FHIT: variants seen among roughly 807,000 people sequenced by gnomAD.
FHIT encodes bis(5'-adenosyl)-triphosphatase.
FHIT carries 19 observed loss-of-function variants against 17.9 expected under a neutral mutation model. That is an observed-to-expected ratio of 1.06 (90% confidence interval 0.74 to 1.56). FHIT has a LOEUF of 1.56. FHIT is among the 40% of genes most tolerant of loss of function. The probability of loss-of-function intolerance (pLI) is 0.00; values close to 1 mark genes in which losing one functional copy is unlikely to be tolerated. For missense variants in FHIT, 248 were observed against 189.2 expected, an observed-to-expected ratio of 1.31 and a Z score of -1.82; for synonymous variants, 81 against 69.7, an observed-to-expected ratio of 1.16 and a Z score of -0.81.
chr3:60,477,056 C>T (rs1313097448), intron 5 of FHIT, among the ~76,000 whole-genome samples: 4 of 151,976 alleles, frequency 2.6e-5, no homozygotes, highest in Admixed American at 6.6e-5. Context: ...TAGTTCAGTA[C>T]TTTTAAGCAA....
chr3:60,972,309 A>T (rs1710058990), intron 3 of FHIT, among the ~76,000 whole-genome samples: 3 of 152,160 alleles, frequency 2.0e-5, no homozygotes, highest in Admixed American at 1.3e-4. Context: ...ATTTTCTAAA[A>T]ATGTCCTTTT....
rs1454353820 is a variant in FHIT at position 61,042,105 on chromosome 3, G to A, written c.-163-6C>T. ...ATGTAGATAGCACTACGGACCTAGG[G>A]AAAGGCAGAAACACAAGATGGGAGA... On this transcript the variant is annotated splice_polypyrimidine_tract_variant and splice_region_variant and intron_variant, in intron 2 of 9. Transcript: ENST00000492590. 2.6e-5 allele frequency: 4 copies of A among 152,122 alleles called. No individual in the cohort carries two copies. The highest frequency in any genetic ancestry group is 4.8e-5 in the African/African-American group (2 of 41,414). The allele number at this position is 152,122 out of a possible 1,614,324, so 9.4% of individuals were successfully genotyped here.
At chr3:60,439,728 T>C (rs1418609601) in intron 5 of FHIT, among the ~76,000 whole-genome samples, 2 of 152,136 alleles carry the variant, frequency 1.3e-5, no homozygotes, top group Non-Finnish European at 2.9e-5. Context: ...CACTCTTTTC[T>C]AAACTCCCAG....
At chr3:59,912,571 A>T (rs1467218281) in intron 8 of FHIT, among the ~76,000 whole-genome samples, 1 of 152,208 alleles carries the variant, frequency 6.6e-6, no homozygotes, top group African/African-American at 2.4e-5. Context: ...CTTCATATCA[A>T]CTGATAGGGC....
intron 4 of FHIT, among the ~76,000 whole-genome samples, chr3:60,799,818 A>G (rs1014568543): frequency 6.6e-6 from 1 of 152,204 alleles, no homozygotes; most frequent in African/African-American, 2.4e-5. Context: ...AGCCATAGGA[A>G]GAAAACCTGT....
chr3:60,753,933 G>GA lies in FHIT; in HGVS notation c.-18+67985dup, dbSNP rs797033543. On this transcript the variant is annotated intron_variant, in intron 4 of 9. Transcript: ENST00000492590. ...AACAGGATAAATAAAAGATTACAAG[G>GA]AAAAAAAAAAGCAGTGATTTCTGGT... 6.7e-4 allele frequency among the ~76,000 whole-genome samples: 98 copies of GA among 146,750 alleles called. 1 individual carries two copies. The highest frequency in any genetic ancestry group is 1.8e-3 in the African/African-American group (74 of 40,228).
At chr3:60,093,277 A>G (rs149369752) in intron 5 of FHIT, among the ~76,000 whole-genome samples, 6 of 152,260 alleles carry the variant, frequency 3.9e-5, no homozygotes, top group African/African-American at 1.4e-4. Context: ...GAGTCCAACT[A>G]CATTCCTTGG....
intron 5 of FHIT, among the ~76,000 whole-genome samples, chr3:60,127,174 A>C (rs1190873914): frequency 6.6e-6 from 1 of 152,098 alleles, no homozygotes; most frequent in Non-Finnish European, 1.5e-5. Context: ...CAGGCCAGAG[A>C]ACTCAGCCCA....
chr3:60,001,502 T>C (rs1699727886), intron 7 of FHIT, among the ~76,000 whole-genome samples: 1 of 152,144 alleles, frequency 6.6e-6, no homozygotes, highest in East Asian at 1.9e-4. Context: ...ACTCATTTCC[T>C]GGAAGGGAGG....
chr3:60,202,796 G>A lies in FHIT; in HGVS notation c.104-188644C>T, dbSNP rs544088610. On this transcript the variant is annotated intron_variant, in intron 5 of 9. Transcript: ENST00000492590. ...GGGGTTTTATGTATGCTCTGTCTTC[G>A]TGCAGGTCTAAGTGGAGCCATGACA... Among the ~76,000 whole-genome samples, 101 of 152,178 alleles carry A rather than the reference G, an allele frequency of 6.6e-4. 3 individuals carry two copies. In the South Asian group the frequency reaches 0.02, roughly 30 times the overall value.
At chr3:61,148,352 CTGATCCTTTCT>C (rs1485261974) in intron 2 of FHIT, among the ~76,000 whole-genome samples, 3 of 152,198 alleles carry the variant, frequency 2.0e-5, no homozygotes, top group Admixed American at 2.0e-4. Context: ...AAATTACCTC[CTGATCCTTTCT>C]AGCAATAGTC....
chr3:60,236,225 C>G (rs9311754), intron 5 of FHIT, among the ~76,000 whole-genome samples: 44,744 of 150,002 alleles, frequency 0.3, 7,686 homozygotes, highest in African/African-American at 0.48. Context: ...TTTAATTCCT[C>G]TGATTGTAAC....
chr3:60,632,258 G>C (rs2039465031), intron 4 of FHIT, among the ~76,000 whole-genome samples: 1 of 152,144 alleles, frequency 6.6e-6, no homozygotes, highest in African/African-American at 2.4e-5. Flanking sequence ...CGATTTCTCT[G>C]ATTTCTGCCA....
At chr3:60,480,714 G>A (rs1171460295) in intron 5 of FHIT, among the ~76,000 whole-genome samples, 1 of 152,176 alleles carries the variant, frequency 6.6e-6, no homozygotes, top group Non-Finnish European at 1.5e-5. Flanking sequence ...CAAATCCAGG[G>A]CATGCTCATG....
At chr3:60,517,700 A>G (rs2035212794) in intron 5 of FHIT, among the ~76,000 whole-genome samples, 1 of 152,220 alleles carries the variant, frequency 6.6e-6, no homozygotes, top group Non-Finnish European at 1.5e-5. Flanking sequence ...AATATAGTAC[A>G]TTTCATGACT....
chr3:60,653,492 C>T (rs1440890794), intron 4 of FHIT, among the ~76,000 whole-genome samples: 1 of 118,402 alleles, frequency 8.4e-6, no homozygotes, highest in Admixed American at 9.2e-5. Context: ...ACCAAATTTT[C>T]ACAATAAGAA....
At chr3:60,214,536 G>C (rs1256693476) in intron 5 of FHIT, among the ~76,000 whole-genome samples, 2 of 152,156 alleles carry the variant, frequency 1.3e-5, no homozygotes, top group Non-Finnish European at 2.9e-5. Flanking sequence ...AGGCGACAGA[G>C]TAAAGGGAAC....
intron 7 of FHIT, among the ~76,000 whole-genome samples, chr3:59,983,402 G>A (rs1268712489): frequency 6.6e-6 from 1 of 152,076 alleles, no homozygotes; most frequent in African/African-American, 2.4e-5. Context: ...CTGAAAATAA[G>A]TGACTAGAGT....
intron 4 of FHIT, among the ~76,000 whole-genome samples, chr3:60,546,254 C>T (rs2036359548): frequency 6.6e-6 from 1 of 152,126 alleles, no homozygotes; most frequent in Admixed American, 6.6e-5. Context: ...TTTCTCCTGT[C>T]TACCTTCCAC....
Sources: allele counts gnomAD v4.1 joint callset (sites outside exome capture counted in the v4.1 genomes callset), GRCh38; gene constraint gnomAD v4.1.1; transcripts MANE v1.5; gene names NCBI Gene and HGNC (gene_info 2026-07-23, HGNC 2026-07-21).